The following CATSPERB variants were observed in gnomAD, a reference collection of about 807,000 sequenced individuals.
CATSPERB encodes catsper channel auxiliary subunit beta.
A neutral mutation model predicts 128.3 loss-of-function variants in CATSPERB; 93 were observed. The ratio of observed to expected loss-of-function variants is 0.72; its 90% CI spans 0.61 to 0.86. The LOEUF (loss-of-function observed/expected upper bound fraction) is 0.86. Among genes scored for constraint, CATSPERB ranks in the 40% least tolerant of loss-of-function variants. The probability of loss-of-function intolerance (pLI) is 0.00; values close to 1 mark genes in which losing one functional copy is unlikely to be tolerated. For missense variants in CATSPERB, 1,153 were observed against 1,329.5 expected, an observed-to-expected ratio of 0.87 and a Z score of 2.06; for synonymous variants, 381 against 448.8, an observed-to-expected ratio of 0.85 and a Z score of 1.91.
At chr14:91,635,753 G>A (rs1894362513) in intron 17 of CATSPERB, 1 of 152,128 alleles carries the variant, frequency 6.6e-6, no homozygotes, top group African/African-American at 2.4e-5. Flanking sequence ...TCTGTATATT[G>A]TTCAATGCAA....
rs780006063 is a variant in CATSPERB at position 91,669,927 on chromosome 14, C to A, written c.1174G>T (p.Glu392Ter). The change falls in exon 14 of 27, where the codon GAA becomes TAA. Residue 392 changes from glutamate to a stop codon, truncating the protein, a stop_gained. Coordinates refer to ENST00000256343, the MANE Select transcript of CATSPERB (RefSeq NM_024764.4). LOFTEE classifies it high-confidence loss of function. ...GGAAATTTTGATTGTGAATTTGGTTCATTATTTCTCAGGGTGCTCACAGAG... is the reference window on the plus strand; with the variant it reads ...GGAAATTTTGATTGTGAATTTGGTTAATTATTTCTCAGGGTGCTCACAGAG... ...IASVSTLRNNEPNSQSKFPIF... is the reference protein window; with the variant it reads ...IASVSTLRNN 6.2e-7 allele frequency: 1 copy of A among 1,613,214 alleles called. No homozygotes were observed.
chr14:91,689,725 G>A (rs983638321), intron 10 of CATSPERB, among the ~76,000 whole-genome samples: 16 of 151,182 alleles, frequency 1.1e-4, no homozygotes, highest in Admixed American at 8.5e-4. Context: ...GTTTTCCTTC[G>A]TCTGGTGGTT....
At chr14:91,633,521 C>T (rs1231640846) in intron 17 of CATSPERB, among the ~76,000 whole-genome samples, 4 of 151,982 alleles carry the variant, frequency 2.6e-5, no homozygotes, top group African/African-American at 7.2e-5. Context: ...AAACTTCCTA[C>T]ATGAACATAG....
intron 5 of CATSPERB, chr14:91,710,145 A>G (rs1013443044): frequency 2.6e-5 from 4 of 152,782 alleles, no homozygotes; most frequent in Admixed American, 1.3e-4. Context: ...TACATCTGTT[A>G]TACATGCAAT....
Position 91,604,795 on chromosome 14 carries a change from G to T in CATSPERB, c.2709+3499C>A, listed in dbSNP as rs944103460. ...CCCAGTGGTAGGAAGAGTAGAGGCTGGGGTAGGTAGGTGCTGAGGCCTTCT... is the reference window on the plus strand; with the variant it reads ...CCCAGTGGTAGGAAGAGTAGAGGCTTGGGTAGGTAGGTGCTGAGGCCTTCT... On this transcript the variant is annotated intron_variant, in intron 22 of 26. Coordinates refer to ENST00000256343, the MANE Select transcript of CATSPERB (RefSeq NM_024764.4). 3.7e-6 allele frequency: 6 copies of T among 1,608,572 alleles called. No homozygotes were observed. The African/African-American group carries it at 8.0e-5, about 22-fold the overall frequency.
intron 13 of CATSPERB, 144 bp from the exon 14 acceptor site, chr14:91,670,116 C>G: frequency 1.4e-6 from 1 of 700,570 alleles, no homozygotes. Context: ...ATTGTTACCT[C>G]TTTACTCCAC....
intron 11 of CATSPERB, among the ~76,000 whole-genome samples, chr14:91,675,323 C>T (rs890141546): frequency 2.0e-5 from 3 of 152,240 alleles, no homozygotes; most frequent in African/African-American, 7.2e-5. Context: ...CTCAGGAAAT[C>T]TCCCTTCTCT....
At position 91,617,648 on chromosome 14, in the gene CATSPERB, A is replaced by G; in HGVS notation, c.2349T>C (p.Asp783=). ...LEVTAEVTFD[D]TDSYVITISA... ...AAATTGTTATTACATAACTGTCAGT[A>G]TCATCAAAAGTCACTTCAGCTGTAA... The change falls in exon 20 of 27, where the codon GAT becomes GAC. Residue 783 remains aspartate (D), a synonymous_variant. Transcript: ENST00000256343. 6.2e-7 allele frequency: 1 copy of G among 1,601,072 alleles called. No individual in the cohort carries two copies. Among genetic ancestry groups the G allele is most frequent in the Non-Finnish European group, 8.5e-7 (1 of 1,175,574 alleles).
intron 19 of CATSPERB, among the ~76,000 whole-genome samples, chr14:91,618,454 T>C (rs1893985167): frequency 1.3e-5 from 2 of 152,150 alleles, no homozygotes; most frequent in Admixed American, 1.3e-4. Flanking sequence ...CTCAGAAAAA[T>C]GTAACTTTAC....
At chr14:91,659,087 A>C (rs1473917440) in intron 15 of CATSPERB, among the ~76,000 whole-genome samples, 1 of 152,170 alleles carries the variant, frequency 6.6e-6, no homozygotes, top group Non-Finnish European at 1.5e-5. Flanking sequence ...AGGAAGAATA[A>C]ATTTTAGTGT....
At chr14:91,658,518 T>C (rs1314052186) in intron 15 of CATSPERB, among the ~76,000 whole-genome samples, 1 of 151,196 alleles carries the variant, frequency 6.6e-6, no homozygotes, top group Non-Finnish European at 1.5e-5. Flanking sequence ...TAATTTATTA[T>C]ATATTTTAAA....
chr14:91,668,822 G>A (rs1895035779), intron 14 of CATSPERB, among the ~76,000 whole-genome samples: 1 of 152,146 alleles, frequency 6.6e-6, no homozygotes, highest in Non-Finnish European at 1.5e-5. Context: ...CCCACCAGAA[G>A]GAAGAAACTC....
chr14:91,585,367 C>T (rs1472165836), intron 26 of CATSPERB, among the ~76,000 whole-genome samples: 1 of 152,196 alleles, frequency 6.6e-6, no homozygotes, highest in Non-Finnish European at 1.5e-5. Flanking sequence ...GATACTGTCA[C>T]ACAGATCCCT....
At chr14:91,682,439 A>T (rs1200395641) in intron 11 of CATSPERB, among the ~76,000 whole-genome samples, 1 of 152,132 alleles carries the variant, frequency 6.6e-6, no homozygotes, top group African/African-American at 2.4e-5. Context: ...GTAACATGGG[A>T]TGGTTACCTC....
At chr14:91,714,185 T>A (rs1330095184) in intron 5 of CATSPERB, among the ~76,000 whole-genome samples, 2 of 151,804 alleles carry the variant, frequency 1.3e-5, no homozygotes, top group Non-Finnish European at 2.9e-5. Context: ...ATGAATGTTT[T>A]TTCCCTAAAA....
intron 19 of CATSPERB, among the ~76,000 whole-genome samples, chr14:91,621,241 A>T (rs1384200377): frequency 6.6e-6 from 1 of 152,082 alleles, no homozygotes; most frequent in Non-Finnish European, 1.5e-5. Flanking sequence ...GTCTCTACTA[A>T]AAATACAAAA....
chr14:91,663,375 T>C (rs569889384), intron 14 of CATSPERB, among the ~76,000 whole-genome samples: 65 of 152,252 alleles, frequency 4.3e-4, no homozygotes, highest in Non-Finnish European at 8.4e-4. Flanking sequence ...TTGTCTTGAT[T>C]GTGTTATTGC....
intron 13 of CATSPERB, 98 bp from the exon 14 acceptor site, chr14:91,670,070 C>A: frequency 1.9e-6 from 2 of 1,035,540 alleles, no homozygotes; most frequent in South Asian, 1.4e-5. Flanking sequence ...GAGATACAAT[C>A]ACTAACACAA....
intron 26 of CATSPERB, among the ~76,000 whole-genome samples, 159 bp downstream of exon 26, chr14:91,587,043 T>C (rs1444995193): frequency 6.6e-6 from 1 of 152,190 alleles, no homozygotes; most frequent in African/African-American, 2.4e-5. Flanking sequence ...GCTTTGTCAC[T>C]ACTGACAGGG....
Sources: allele counts gnomAD v4.1 joint callset (sites outside exome capture counted in the v4.1 genomes callset), GRCh38; gene constraint gnomAD v4.1.1; transcripts MANE v1.5; gene names NCBI Gene and HGNC (gene_info 2026-07-23, HGNC 2026-07-21).